Variants in GNG12 observed in about 807,000 individuals in gnomAD.
GNG12 encodes guanine nucleotide-binding protein G(I)/G(S)/G(O) subunit gamma-12.
For missense variants in GNG12, 69 were observed against 83.8 expected, an observed-to-expected ratio of 0.82 and a Z score of 0.69; for synonymous variants, 28 against 29.7, an observed-to-expected ratio of 0.94 and a Z score of 0.19.
At chr1:67,712,941 C>T (rs189987363) in intron 2 of GNG12, among the ~76,000 whole-genome samples, 9 of 152,044 alleles carry the variant, frequency 5.9e-5, no homozygotes, top group Admixed American at 1.3e-4. Context: ...GTTGACCAGG[C>T]TGGTCTCGAA....
chr1:67,828,773 TC>T (rs1481794209), intron 1 of GNG12, among the ~76,000 whole-genome samples: 7 of 152,150 alleles, frequency 4.6e-5, no homozygotes, highest in South Asian at 2.1e-4. Context: ...TATATGCAGA[TC>T]CTAAAAACCC....
At chr1:67,804,763 T>C (rs1646885377) in intron 1 of GNG12, among the ~76,000 whole-genome samples, 1 of 151,824 alleles carries the variant, frequency 6.6e-6, no homozygotes. Context: ...ACCTGAGCTG[T>C]AACCAACAAA....
intron 1 of GNG12, among the ~76,000 whole-genome samples, chr1:67,797,690 C>T (rs986147013): frequency 1.6e-4 from 24 of 152,148 alleles, no homozygotes; most frequent in Admixed American, 6.5e-5. Flanking sequence ...TACACTTTGC[C>T]AGAAGAGGTT....
chr1:67,791,287 CA>C lies in GNG12; in HGVS notation c.-76-13781del, dbSNP rs557415103. Among the ~76,000 whole-genome samples the C allele has an allele frequency of 5.3e-5, 8 of 152,272 alleles. No homozygotes were observed. The South Asian group carries it at 1.7e-3, about 32-fold the overall frequency. On this transcript the variant is annotated intron_variant, in intron 1 of 3. Coordinates refer to ENST00000370982, the MANE Select transcript of GNG12 (RefSeq NM_018841.6). The stretch of plus-strand genomic sequence containing the variant: ...ATATACCCATCCTTAGGTGTCTTAG[CA>C]AACTGTGATATGTATTTTCAGTCTC...
At chr1:67,765,800 A>G (rs188824279) in intron 2 of GNG12, among the ~76,000 whole-genome samples, 29 of 152,344 alleles carry the variant, frequency 1.9e-4, no homozygotes, top group African/African-American at 6.3e-4. Context: ...TGACATAGCT[A>G]AAGTCTATAA....
At chr1:67,706,252 G>GT (rs1185210592) in intron 3 of GNG12, among the ~76,000 whole-genome samples, 1 of 152,170 alleles carries the variant, frequency 6.6e-6, no homozygotes, top group Non-Finnish European at 1.5e-5. Flanking sequence ...AGGGAAGGTT[G>GT]TATCTTAAAT....
Position 67,705,341 on chromosome 1 carries a change from C to T in GNG12, c.*110G>A. 2 of 1,484,436 alleles carry T rather than the reference C, an allele frequency of 1.3e-6. No homozygotes were observed. The highest frequency in any genetic ancestry group is 1.4e-5 in the South Asian group (1 of 70,918). The allele number at this position is 1,484,436 out of a possible 1,614,324, so 92.0% of individuals were successfully genotyped here. ...AGAGTCCATTATTCCAAGCTGAGAA[C>T]ATTTTAGTTATTAGCAGTGGTTACC... On this transcript the variant is annotated 3_prime_UTR_variant, in exon 4 of 4. Coordinates refer to ENST00000370982, the MANE Select transcript of GNG12 (RefSeq NM_018841.6).
intron 2 of GNG12, among the ~76,000 whole-genome samples, chr1:67,729,344 A>G (rs1303083469): frequency 6.6e-6 from 1 of 151,942 alleles, no homozygotes; most frequent in East Asian, 1.9e-4. Flanking sequence ...AAAAAGTCAA[A>G]GTGCCCTTCC....
intron 1 of GNG12, among the ~76,000 whole-genome samples, chr1:67,782,402 C>T (rs975309392): frequency 3.3e-5 from 5 of 152,156 alleles, no homozygotes; most frequent in African/African-American, 1.2e-4. Flanking sequence ...GAGAATGGTA[C>T]ACCCCGAAAG....
At chr1:67,818,396 A>C (rs1381646187) in intron 1 of GNG12, among the ~76,000 whole-genome samples, 3 of 124,916 alleles carry the variant, frequency 2.4e-5, no homozygotes, top group African/African-American at 9.1e-5. Flanking sequence ...CAAATTATTC[A>C]TGGGGAAAGA....
At chr1:67,754,655 G>A (rs1467503695) in intron 2 of GNG12, among the ~76,000 whole-genome samples, 1 of 152,108 alleles carries the variant, frequency 6.6e-6, no homozygotes, top group Non-Finnish European at 1.5e-5. Context: ...CCCTTTTAAA[G>A]TTCTGTCCAC....
At chr1:67,758,895 G>T (rs762650096) in intron 2 of GNG12, among the ~76,000 whole-genome samples, 1 of 152,148 alleles carries the variant, frequency 6.6e-6, no homozygotes, top group Non-Finnish European at 1.5e-5. Context: ...GGAAGGGAAG[G>T]GGGGGATGAA....
At chr1:67,719,167 G>A (rs1325697581) in intron 2 of GNG12, among the ~76,000 whole-genome samples, 3 of 152,122 alleles carry the variant, frequency 2.0e-5, no homozygotes. Flanking sequence ...CTGGCTTCAT[G>A]GGCTGTGTTT....
chr1:67,819,038 G>A (rs1646970684), intron 1 of GNG12, among the ~76,000 whole-genome samples: 1 of 152,130 alleles, frequency 6.6e-6, no homozygotes, highest in Non-Finnish European at 1.5e-5. Context: ...ATGTTTTCAA[G>A]AAATCATGCT....
chr1:67,830,162 C>T (rs1053655095), intron 1 of GNG12, among the ~76,000 whole-genome samples: 2 of 152,158 alleles, frequency 1.3e-5, no homozygotes, highest in Non-Finnish European at 2.9e-5. Flanking sequence ...TGCGCCATCA[C>T]GCCTGGTTTA....
At chr1:67,765,893 A>C (rs890332328) in intron 2 of GNG12, among the ~76,000 whole-genome samples, 2 of 152,124 alleles carry the variant, frequency 1.3e-5, no homozygotes, top group African/African-American at 4.8e-5. Context: ...AACCCCAAGG[A>C]GTGAAAGGAA....
At chr1:67,831,697 T>C (rs893319077) in intron 1 of GNG12, among the ~76,000 whole-genome samples, 1 of 152,226 alleles carries the variant, frequency 6.6e-6, no homozygotes, top group African/African-American at 2.4e-5. Context: ...CTTAAGACTC[T>C]GTAAAATTTT....
chr1:67,748,849 A>G (rs3820084), intron 2 of GNG12, among the ~76,000 whole-genome samples: 1,651 of 152,082 alleles, frequency 0.011, 69 homozygotes, highest in Admixed American at 0.08. Context: ...CTTCTATTTG[A>G]TCCTGCCCTG....
chr1:67,731,403 A>G (rs1027184636), intron 2 of GNG12, among the ~76,000 whole-genome samples: 2 of 152,230 alleles, frequency 1.3e-5, no homozygotes, highest in Non-Finnish European at 2.9e-5. Flanking sequence ...AAGCAGAAAG[A>G]AGAGAGAGAG....
Sources: gnomAD v4.1 joint callset for allele counts (sites outside exome capture counted in the v4.1 genomes callset) on GRCh38, gnomAD v4.1.1 for gene constraint, MANE v1.5 for transcripts, NCBI Gene and HGNC (gene_info 2026-07-23, HGNC 2026-07-21) for gene names.